PSD3: variants seen among roughly 807,000 people sequenced by gnomAD.
PSD3 encodes pleckstrin and Sec7 domain containing 3, also known as PH and SEC7 domain-containing protein 3.
In PSD3, 49 loss-of-function variants were observed where a neutral mutation model predicts 105.5. That is an observed-to-expected ratio of 0.46 (90% CI 0.37 to 0.59). PSD3 has a LOEUF of 0.59. PSD3 is among the 20% of genes least tolerant of loss of function. The probability of loss-of-function intolerance (pLI) is 0.00; values close to 1 mark genes in which losing one functional copy is unlikely to be tolerated. For missense variants in PSD3, 1,561 were observed against 1,263.8 expected (o/e 1.24, Z -3.57); for synonymous variants, 557 against 457.8 (o/e 1.22, Z -2.77).
At chr8:18,776,838 T>C (rs1424740251) in intron 8 of PSD3, among the ~76,000 whole-genome samples, 1 of 152,226 alleles carries the variant, frequency 6.6e-6, no homozygotes, top group Non-Finnish European at 1.5e-5. Context: ...TTCGTGGTTC[T>C]TGAATCTTCT....
chr8:18,975,314 A>ATT (rs71218914), intron 1 of PSD3, among the ~76,000 whole-genome samples: 7 of 144,360 alleles, frequency 4.8e-5, no homozygotes, highest in African/African-American at 1.3e-4. Context: ...ATTTTCTGAA[A>ATT]TTTTTTTTTT....
intron 2 of PSD3, among the ~76,000 whole-genome samples, chr8:18,927,223 G>GT (rs889894563): frequency 2.0e-5 from 3 of 151,898 alleles, no homozygotes; most frequent in African/African-American, 2.4e-5. Context: ...TTTTTGTTTT[G>GT]TTTTTTCTGA....
chr8:18,756,289 G>A (rs534821428), intron 9 of PSD3, among the ~76,000 whole-genome samples: 83 of 152,212 alleles, frequency 5.5e-4, no homozygotes, highest in African/African-American at 1.9e-3. Context: ...CTCAGATCAA[G>A]TATTTTTGAG....
rs532199120 is a variant in PSD3, at chr8:18,798,286, T to C, written c.2082+1009A>G. Among the ~76,000 whole-genome samples the C allele has an allele frequency of 4.4e-4, 67 of 152,274 alleles. 1 individual carries two copies. Among genetic ancestry groups the C allele is most frequent in the African/African-American group, 1.5e-3 (64 of 41,574 alleles). ...TAAGTGATTCTAAATTCACCTCTTA[T>C]ATATGGCAAAAGGAACTTTCTAGCT... On this transcript the variant is annotated intron_variant, in intron 8 of 15. Transcript: ENST00000327040.
At position 18,652,002 on chromosome 8, in the gene PSD3, T is replaced by A. The variant is rs144832138; in HGVS notation, c.2216+3640A>T. Among the ~76,000 whole-genome samples, 195 of 152,170 alleles carry A rather than the reference T, an allele frequency of 1.3e-3. 1 individual carries two copies. The highest frequency in any genetic ancestry group is 4.4e-3 in the African/African-American group (183 of 41,528). On this transcript the variant is annotated intron_variant, in intron 10 of 15. Transcript: ENST00000327040. ...TATAAATGCCTGAAAAACAAAAGAATGGCAGGAGTGAAGAGGAAAGATGCT... is the reference window on the plus strand; with the variant it reads ...TATAAATGCCTGAAAAACAAAAGAAAGGCAGGAGTGAAGAGGAAAGATGCT...
chr8:18,552,118 T>C (rs896351054), intron 15 of PSD3, among the ~76,000 whole-genome samples: 13 of 152,218 alleles, frequency 8.5e-5, no homozygotes, highest in East Asian at 3.8e-4. Flanking sequence ...ATACAATTCA[T>C]TGGCATTGCG....
intron 8 of PSD3, among the ~76,000 whole-genome samples, chr8:18,792,017 C>T (rs74936387): frequency 0.042 from 6,429 of 152,148 alleles, 417 homozygotes; most frequent in African/African-American, 0.14. Context: ...AATGAGATAC[C>T]ATCTCACACC....
chr8:18,908,704 G>A (rs766960274), intron 2 of PSD3, among the ~76,000 whole-genome samples: 3 of 152,076 alleles, frequency 2.0e-5, no homozygotes, highest in East Asian at 1.9e-4. Flanking sequence ...ACTTAATTAC[G>A]TATCATCTTC....
intron 4 of PSD3, among the ~76,000 whole-genome samples, chr8:18,833,897 AC>A (rs1424131910): frequency 1.3e-5 from 2 of 152,200 alleles, no homozygotes; most frequent in East Asian, 3.8e-4. Flanking sequence ...ATAGTCAGTT[AC>A]AAAAATATAA....
At chr8:19,040,804 T>C (rs557802113) in intron 1 of PSD3, among the ~76,000 whole-genome samples, 23 of 152,340 alleles carry the variant, frequency 1.5e-4, no homozygotes, top group African/African-American at 5.3e-4. Context: ...TCAGGAATGT[T>C]GTCCATGAGT....
intron 2 of PSD3, among the ~76,000 whole-genome samples, chr8:18,928,388 C>A (rs1167165427): frequency 6.6e-6 from 1 of 152,170 alleles, no homozygotes; most frequent in Non-Finnish European, 1.5e-5. Flanking sequence ...GTCCATTAAA[C>A]CTCTTTCCTT....
intron 12 of PSD3, among the ~76,000 whole-genome samples, chr8:18,592,802 C>A (rs191339886): frequency 8.5e-5 from 13 of 152,138 alleles, no homozygotes; most frequent in Middle Eastern, 3.4e-3. Context: ...AGAACAGAGC[C>A]CTCAGAAATA....
intron 1 of PSD3, among the ~76,000 whole-genome samples, chr8:19,054,994 G>A (rs538263529): frequency 4.6e-5 from 7 of 151,768 alleles, no homozygotes; most frequent in Non-Finnish European, 1.0e-4. Context: ...GGTAGACAAA[G>A]CACTGTGACT....
At chr8:19,022,818 T>A (rs1357564508) in intron 1 of PSD3, among the ~76,000 whole-genome samples, 3 of 151,772 alleles carry the variant, frequency 2.0e-5, no homozygotes, top group Non-Finnish European at 4.4e-5. Context: ...ATAGTTTTGA[T>A]TTGACTGACA....
intron 1 of PSD3, among the ~76,000 whole-genome samples, chr8:18,979,118 G>C (rs1214622301): frequency 6.6e-6 from 1 of 152,034 alleles, no homozygotes; most frequent in Non-Finnish European, 1.5e-5. Context: ...TTAAAATTCT[G>C]TGATTTCACA....
intron 1 of PSD3, among the ~76,000 whole-genome samples, chr8:19,009,324 A>G (rs1449027317): frequency 6.6e-6 from 1 of 152,234 alleles, no homozygotes; most frequent in Non-Finnish European, 1.5e-5. Flanking sequence ...GCAACACGCA[A>G]TGCTAACTTT....
intron 9 of PSD3, among the ~76,000 whole-genome samples, chr8:18,698,648 A>G (rs1315417151): frequency 1.3e-5 from 2 of 152,180 alleles, no homozygotes; most frequent in East Asian, 1.9e-4. Flanking sequence ...CCTATGAGCT[A>G]ATATATTGTG....
chr8:18,855,532 A>G (rs1815939969), intron 4 of PSD3, among the ~76,000 whole-genome samples: 1 of 152,226 alleles, frequency 6.6e-6, no homozygotes, highest in Non-Finnish European at 1.5e-5. Context: ...ATACTGAGGA[A>G]AAAAGGGTAA....
intron 2 of PSD3, among the ~76,000 whole-genome samples, chr8:18,901,868 C>G (rs1324594085): frequency 1.3e-5 from 2 of 152,170 alleles, no homozygotes; most frequent in Admixed American, 1.3e-4. Context: ...CTCTCCTAGC[C>G]TGTAAGGTTT....
Sources: gnomAD v4.1 joint callset for allele counts (sites outside exome capture counted in the v4.1 genomes callset) on GRCh38, gnomAD v4.1.1 for gene constraint, MANE v1.5 for transcripts, NCBI Gene and HGNC (gene_info 2026-07-23, HGNC 2026-07-21) for gene names.